PLCE1: variants seen among roughly 807,000 people sequenced by gnomAD.
The protein encoded by PLCE1 is phospholipase C epsilon 1.
In PLCE1, 119 loss-of-function variants were observed where a neutral mutation model predicts 242.8. The observed-to-expected ratio is 0.49, with a 90% CI of 0.42 to 0.57. PLCE1 has a LOEUF of 0.57. Among genes scored for constraint, PLCE1 ranks in the 20% least tolerant of loss-of-function variants. The pLI, the probability that PLCE1 is intolerant of heterozygous loss-of-function variation, is 0.00. For synonymous variants in PLCE1, 945 were observed against 1,017.4 expected (o/e 0.93, Z 1.35); for missense variants, 2,441 against 2,788.8 (o/e 0.88, Z 2.81).
At chr10:94,281,996 C>T (rs1046436860) in intron 20 of PLCE1, among the ~76,000 whole-genome samples, 2 of 151,292 alleles carry the variant, frequency 1.3e-5, no homozygotes, top group Non-Finnish European at 2.9e-5. Flanking sequence ...TAAAAGGTTT[C>T]CTAGCTTCTC....
intron 9 of PLCE1, among the ~76,000 whole-genome samples, chr10:94,253,198 T>C (rs1370520622): frequency 1.3e-5 from 2 of 152,196 alleles, no homozygotes; most frequent in Admixed American, 6.5e-5. Context: ...AGAAGGTTAA[T>C]TGACTCACAG....
intron 4 of PLCE1, among the ~76,000 whole-genome samples, chr10:94,210,953 C>T (rs2049311820): frequency 6.6e-6 from 1 of 152,244 alleles, no homozygotes. Flanking sequence ...CTGCAGGGCA[C>T]AGCTGGTGGT....
chr10:94,167,294 A>T (rs1590169266), intron 3 of PLCE1, among the ~76,000 whole-genome samples: 1 of 152,132 alleles, frequency 6.6e-6, no homozygotes, highest in South Asian at 2.1e-4. Flanking sequence ...AAGGTATGCT[A>T]TGTAACACTA....
Position 94,298,247 on chromosome 10 carries a change from A to T in PLCE1, c.5168-132A>T. 1 of 797,854 alleles carries T rather than the reference A, an allele frequency of 1.3e-6. No individual in the cohort carries two copies. Among genetic ancestry groups the T allele is most frequent in the Non-Finnish European group, 2.1e-6 (1 of 482,804 alleles). 49.4% of individuals were successfully genotyped at this position (797,854 alleles called of 1,614,324 possible). ...TTTTAAAGTGGCGAACTAACTCACA[A>T]GTAAAATCCAAGAGGTATTCTGATG... On this transcript the variant is annotated intron_variant, in intron 23 of 32. Transcript: ENST00000371380. The surrounding 1 kb of genome is among the most constrained non-coding windows in gnomAD (Gnocchi z 5.2).
intron 4 of PLCE1, among the ~76,000 whole-genome samples, chr10:94,202,451 G>A (rs983094784): frequency 1.3e-5 from 2 of 152,058 alleles, no homozygotes; most frequent in Admixed American, 6.6e-5. Context: ...ATGACAAAAC[G>A]GAGACAAAAC....
chr10:94,211,780 C>T (rs2049338366), intron 4 of PLCE1, among the ~76,000 whole-genome samples: 1 of 152,060 alleles, frequency 6.6e-6, no homozygotes, highest in African/African-American at 2.4e-5. Flanking sequence ...TCCTATAACC[C>T]ACCCACCCCA....
chr10:93,997,974 T>A (rs2060860744), intron 1 of PLCE1, among the ~76,000 whole-genome samples: 1 of 152,256 alleles, frequency 6.6e-6, no homozygotes, highest in Admixed American at 6.5e-5. Flanking sequence ...GGTGGTTTGG[T>A]CCTAGTATAG....
chr10:94,293,365 CA>C (rs2052704141), intron 22 of PLCE1, 142 bp from the exon 23 acceptor site: 1 of 866,400 alleles, frequency 1.2e-6, no homozygotes, highest in African/African-American at 1.7e-5. Context: ...CTATTATTAA[CA>C]GAACAAAAAC....
At chr10:94,273,446 A>G in intron 18 of PLCE1, 116 bp from the exon 19 acceptor site, 1 of 1,041,124 alleles carries the variant, frequency 9.6e-7, no homozygotes, top group Non-Finnish European at 1.4e-6. Flanking sequence ...CCTCTTCCTA[A>G]GACTTTTTAA....
chr10:94,210,195 T>C (rs1352856898), intron 4 of PLCE1, among the ~76,000 whole-genome samples: 3 of 152,004 alleles, frequency 2.0e-5, no homozygotes, highest in African/African-American at 7.2e-5. Context: ...TTTTTTTTTT[T>C]ACTTTTCAGT....
chr10:94,252,126 G>A lies in PLCE1; in HGVS notation c.3097-190G>A, dbSNP rs1019585680. The stretch of plus-strand genomic sequence containing the variant: ...TCAGCAGTGATGTGACCAGGACAAC[G>A]GGGGACATGATGAAATTCCTGACAG... On this transcript the variant is annotated intron_variant, in intron 8 of 32. Transcript: ENST00000371380. Among the ~76,000 whole-genome samples the A allele has an allele frequency of 8.5e-5, 13 of 152,198 alleles. 1 individual carries two copies. The highest frequency in any genetic ancestry group is 2.0e-4 in the Admixed American group (3 of 15,272).
chr10:94,025,538 TTCTC>T (rs1435217371), intron 1 of PLCE1, among the ~76,000 whole-genome samples: 1 of 152,180 alleles, frequency 6.6e-6, no homozygotes, highest in Non-Finnish European at 1.5e-5. Flanking sequence ...TCATTCTAAA[TTCTC>T]TCTGTTTATT....
At chr10:94,001,593 A>C (rs1253368318) in intron 1 of PLCE1, among the ~76,000 whole-genome samples, 2 of 152,248 alleles carry the variant, frequency 1.3e-5, no homozygotes, top group Admixed American at 6.5e-5. Context: ...AATGGAAAAA[A>C]ATCATTTGGG....
chr10:94,259,815 T>C (rs1187170819), intron 13 of PLCE1, among the ~76,000 whole-genome samples: 1 of 152,098 alleles, frequency 6.6e-6, no homozygotes, highest in Non-Finnish European at 1.5e-5. Flanking sequence ...AAAAGAGGTT[T>C]AAGGGGCTCA....
chr10:94,292,085 GTAAT>G (rs2052663218), intron 22 of PLCE1, among the ~76,000 whole-genome samples: 1 of 152,156 alleles, frequency 6.6e-6, no homozygotes, highest in Non-Finnish European at 1.5e-5. Context: ...CCATTATTAA[GTAAT>G]TGTGTCAAGA....
chr10:94,198,039 A>C (rs1316051495), intron 4 of PLCE1, among the ~76,000 whole-genome samples: 2 of 149,802 alleles, frequency 1.3e-5, no homozygotes, highest in African/African-American at 5.0e-5. Context: ...CTGATGATGA[A>C]ACCTGTTGGA....
rs191976316 is a variant in PLCE1, at chr10:94,055,764, G to A, written c.1206+23512G>A. 1.3e-3 allele frequency among the ~76,000 whole-genome samples: 204 copies of A among 152,258 alleles called. 1 individual carries two copies. Among genetic ancestry groups the A allele is most frequent in the African/African-American group, 3.6e-3 (149 of 41,548 alleles). On this transcript the variant is annotated intron_variant, in intron 2 of 32. Coordinates refer to ENST00000371380, the MANE Select transcript of PLCE1 (RefSeq NM_016341.4). ...ATGGTAATGATACATACTTTACAGA[G>A]TTATTTATGGATCCCTTCTCAGGGC...
intron 4 of PLCE1, among the ~76,000 whole-genome samples, chr10:94,196,555 T>G (rs1028751233): frequency 6.6e-6 from 1 of 152,102 alleles, no homozygotes; most frequent in Non-Finnish European, 1.5e-5. Flanking sequence ...GGAAGCCAAG[T>G]CAGGAGGATC....
At chr10:94,263,444 G>A (rs2051384560) in intron 14 of PLCE1, among the ~76,000 whole-genome samples, 1 of 151,072 alleles carries the variant, frequency 6.6e-6, no homozygotes, top group Non-Finnish European at 1.5e-5. Context: ...AACACGGGAG[G>A]CAGAGACTGC....
Sources: gnomAD v4.1 joint callset for allele counts (sites outside exome capture counted in the v4.1 genomes callset) on GRCh38, gnomAD v4.1.1 for gene constraint, Gnocchi (gnomAD v3.1) non-coding constraint, MANE v1.5 for transcripts, NCBI Gene and HGNC (gene_info 2026-07-23, HGNC 2026-07-21) for gene names.